RPH3A: variants seen among roughly 807,000 people sequenced by gnomAD.
RPH3A encodes the protein rabphilin 3A.
A neutral mutation model predicts 102.2 loss-of-function variants in RPH3A; 48 were observed. The ratio of observed to expected loss-of-function variants is 0.47; its 90% CI spans 0.37 to 0.60. The LOEUF (loss-of-function observed/expected upper bound fraction) is 0.60. RPH3A is among the 20% of genes least tolerant of loss of function. The pLI is 0.00. For missense variants in RPH3A, 781 were observed against 910.1 expected, an observed-to-expected ratio of 0.86 and a Z score of 1.83; for synonymous variants, 310 against 324.3, an observed-to-expected ratio of 0.96 and a Z score of 0.47.
chr12:112,723,778 C>T (rs2040567733), intron 1 of RPH3A, among the ~76,000 whole-genome samples: 1 of 152,130 alleles, frequency 6.6e-6, no homozygotes, highest in Non-Finnish European at 1.5e-5. Context: ...ACTGAAATAG[C>T]AATAGAAGGT....
intron 1 of RPH3A, among the ~76,000 whole-genome samples, chr12:112,769,733 C>T (rs1410553737): frequency 2.0e-5 from 3 of 152,142 alleles, no homozygotes; most frequent in Non-Finnish European, 4.4e-5. Flanking sequence ...GTTCACTGAC[C>T]ATATGGACTG....
chr12:112,789,472 G>A (rs895773098), upstream of RPH3A, among the ~76,000 whole-genome samples: 1 of 152,154 alleles, frequency 6.6e-6, no homozygotes, highest in Non-Finnish European at 1.5e-5. Context: ...GGAATCATAC[G>A]ACACTGAGTT....
chr12:112,690,373 G>A (rs897484141), intron 1 of RPH3A, among the ~76,000 whole-genome samples: 1 of 152,216 alleles, frequency 6.6e-6, no homozygotes, highest in Admixed American at 6.5e-5. Context: ...CCATGCAAAG[G>A]AGTGCACACG....
chr12:112,629,299 C>T (rs2039787316), intron 1 of RPH3A, among the ~76,000 whole-genome samples: 1 of 151,360 alleles, frequency 6.6e-6, no homozygotes, highest in South Asian at 2.1e-4. Flanking sequence ...AATTAACCTG[C>T]TTTTTTGTGT....
chr12:112,765,215 G>A (rs146240416), intron 1 of RPH3A, among the ~76,000 whole-genome samples: 77 of 151,806 alleles, frequency 5.1e-4, no homozygotes, highest in African/African-American at 1.8e-3. Flanking sequence ...GGAGTGGTGG[G>A]GAGGAAGGTG....
chr12:112,782,343 A>C (rs2041015567), intron 1 of RPH3A, among the ~76,000 whole-genome samples: 1 of 152,210 alleles, frequency 6.6e-6, no homozygotes. Context: ...AACTTAGCTG[A>C]AGTCTTGGGA....
At chr12:112,770,446 A>G (rs1349902589) in intron 1 of RPH3A, among the ~76,000 whole-genome samples, 1 of 152,050 alleles carries the variant, frequency 6.6e-6, no homozygotes, top group Non-Finnish European at 1.5e-5. Flanking sequence ...CCCTGGCTCA[A>G]GTGATCTTCC....
chr12:112,837,099 G>A lies in RPH3A; in HGVS notation c.83+597G>A, dbSNP rs138257861. On this transcript the variant is annotated intron_variant, in intron 4 of 21. Transcript: ENST00000389385. ...AATAAATGAGCAACCAGACTGCAAA[G>A]CAGCCCCATCTTCAGTTGCGTGCAC... 2.9e-3 allele frequency among the ~76,000 whole-genome samples: 437 copies of A among 152,298 alleles called. 3 individuals carry two copies. The highest frequency in any genetic ancestry group is 0.01 in the Middle Eastern group (3 of 294).
chr12:112,619,436 A>C (rs1192191744), intron 1 of RPH3A, among the ~76,000 whole-genome samples: 2 of 151,874 alleles, frequency 1.3e-5, no homozygotes, highest in African/African-American at 4.8e-5. Context: ...CAGGCATGCT[A>C]TCATGCCCAG....
At chr12:112,810,016 C>T (rs2041541523) in intron 2 of RPH3A, among the ~76,000 whole-genome samples, 1 of 152,160 alleles carries the variant, frequency 6.6e-6, no homozygotes, top group Non-Finnish European at 1.5e-5. Context: ...ATCCCCAGAT[C>T]CCTCAATGAA....
intron 19 of RPH3A, among the ~76,000 whole-genome samples, chr12:112,891,871 G>C (rs1210961943): frequency 6.6e-6 from 1 of 152,202 alleles, no homozygotes; most frequent in Non-Finnish European, 1.5e-5. Context: ...GGTCTGCCAG[G>C]TGCAATCTCA....
chr12:112,640,486 C>A (rs1389050924), intron 1 of RPH3A, among the ~76,000 whole-genome samples: 1 of 151,770 alleles, frequency 6.6e-6, no homozygotes, highest in South Asian at 2.1e-4. Flanking sequence ...TTTCATCTCT[C>A]CTTTCCCTGT....
intron 1 of RPH3A, among the ~76,000 whole-genome samples, chr12:112,710,670 G>A (rs1465724151): frequency 6.6e-6 from 1 of 152,208 alleles, no homozygotes; most frequent in African/African-American, 2.4e-5. Flanking sequence ...ACATACAGAA[G>A]AGAAAACAAA....
chr12:112,723,533 A>G (rs1373574387), intron 1 of RPH3A, among the ~76,000 whole-genome samples: 2 of 152,204 alleles, frequency 1.3e-5, no homozygotes, highest in Non-Finnish European at 2.9e-5. Flanking sequence ...TTGTAATGCC[A>G]TGACCTTTCT....
chr12:112,790,793 C>T (rs2041090868), upstream of RPH3A, among the ~76,000 whole-genome samples: 1 of 152,204 alleles, frequency 6.6e-6, no homozygotes, highest in East Asian at 1.9e-4. Context: ...CTAAAATTTC[C>T]CTTCATTCTA....
intron 1 of RPH3A, among the ~76,000 whole-genome samples, chr12:112,763,464 A>G (rs1483580732): frequency 6.6e-6 from 1 of 152,232 alleles, no homozygotes; most frequent in Non-Finnish European, 1.5e-5. Context: ...AGGTCAAGAA[A>G]GGTGGGACAA....
chr12:112,608,803 T>G lies in RPH3A; in HGVS notation c.-140+33484T>G, dbSNP rs1836371601. On this transcript the variant is annotated intron_variant, in intron 1 of 21. Coordinates refer to the RPH3A transcript ENST00000543106. ...CACTTACAGCACATTTCACATTGGA[T>G]GCTAACTTTTCATCAGAAATATTTG... 1.3e-5 allele frequency among the ~76,000 whole-genome samples: 2 copies of G among 152,222 alleles called. 1 individual carries two copies. The highest frequency in any genetic ancestry group is 4.1e-4 in the South Asian group (2 of 4,830).
At chr12:112,658,989 T>A (rs2040032235) in intron 1 of RPH3A, among the ~76,000 whole-genome samples, 1 of 152,220 alleles carries the variant, frequency 6.6e-6, no homozygotes, top group African/African-American at 2.4e-5. Context: ...TCTCATGTAG[T>A]AGATAGATTA....
chr12:112,633,433 T>C (rs1412181133), intron 1 of RPH3A, among the ~76,000 whole-genome samples: 1 of 152,080 alleles, frequency 6.6e-6, no homozygotes, highest in Non-Finnish European at 1.5e-5. Flanking sequence ...AATCTGTTCA[T>C]GGATTAATGG....
Sources: gnomAD v4.1 joint callset for allele counts (sites outside exome capture counted in the v4.1 genomes callset) on GRCh38, gnomAD v4.1.1 for gene constraint, MANE v1.5 for transcripts, NCBI Gene and HGNC (gene_info 2026-07-23, HGNC 2026-07-21) for gene names.